TENM2: variants seen among roughly 807,000 people sequenced by gnomAD.
TENM2 encodes the protein teneurin transmembrane protein 2.
TENM2 carries 52 observed loss-of-function variants against 245.2 expected under a neutral mutation model. The observed-to-expected ratio is 0.21, with a 90% CI of 0.17 to 0.27. The LOEUF is 0.27. Ranked by LOEUF, TENM2 falls within the 10% of genes least tolerant of loss-of-function variation. The pLI is 1.00. For missense variants in TENM2, 3,046 were observed against 3,666.8 expected (o/e 0.83, Z 4.37); for synonymous variants, 1,363 against 1,438.9 (o/e 0.95, Z 1.19).
At chr5:167,657,236 A>C (rs947271914) in intron 2 of TENM2, among the ~76,000 whole-genome samples, 2 of 152,326 alleles carry the variant, frequency 1.3e-5, no homozygotes, top group East Asian at 1.9e-4. Context: ...TGCGACGTTT[A>C]ACTTTCTGTT....
intron 7 of TENM2, among the ~76,000 whole-genome samples, chr5:168,069,849 G>A (rs1434828583): frequency 2.6e-5 from 4 of 152,126 alleles, no homozygotes; most frequent in African/African-American, 9.7e-5. Context: ...AATGGTGGTG[G>A]GGATCTTCTT....
intron 2 of TENM2, among the ~76,000 whole-genome samples, chr5:167,542,099 C>T (rs539320448): frequency 2.0e-4 from 30 of 152,050 alleles, no homozygotes; most frequent in South Asian, 6.2e-4. Context: ...GGGGAATGAC[C>T]TTGAATCAGA....
chr5:167,424,440 GA>G (rs1428405630), intron 2 of TENM2, among the ~76,000 whole-genome samples: 2 of 152,098 alleles, frequency 1.3e-5, no homozygotes, highest in African/African-American at 4.8e-5. Flanking sequence ...AGACACTCTG[GA>G]AGAAATTCTG....
intron 2 of TENM2, among the ~76,000 whole-genome samples, chr5:167,513,048 T>A (rs2127572056): frequency 6.6e-6 from 1 of 152,290 alleles, no homozygotes; most frequent in South Asian, 2.1e-4. Flanking sequence ...GTGGAAGAGT[T>A]GAAACACAAA....
At chr5:167,253,231 C>T in the TENM2 span, among the ~76,000 whole-genome samples, 1 of 150,124 alleles carries the variant, frequency 6.7e-6, no homozygotes. Context: ...ACTGAGATCA[C>T]AAGCATGAGC....
intron 2 of TENM2, among the ~76,000 whole-genome samples, chr5:167,789,893 A>G (rs1764830133): frequency 6.6e-6 from 1 of 152,194 alleles, no homozygotes; most frequent in Non-Finnish European, 1.5e-5. Context: ...TGCTGGAGAC[A>G]TAATATGTAC....
At chr5:168,027,464 C>G (rs1043503544) in intron 5 of TENM2, among the ~76,000 whole-genome samples, 2 of 152,176 alleles carry the variant, frequency 1.3e-5, no homozygotes, top group Admixed American at 1.3e-4. Flanking sequence ...AAAAAGTGCT[C>G]AGCTCCAAAT....
chr5:168,112,177 T>C (rs1015864700), intron 9 of TENM2, among the ~76,000 whole-genome samples: 1 of 152,196 alleles, frequency 6.6e-6, no homozygotes, highest in Non-Finnish European at 1.5e-5. Flanking sequence ...TTTTTTCAAA[T>C]ACTTTGGTAG....
the TENM2 span, among the ~76,000 whole-genome samples, chr5:167,108,735 A>G: frequency 6.6e-6 from 1 of 152,222 alleles, no homozygotes; most frequent in South Asian, 2.1e-4. Flanking sequence ...CCCATATGTA[A>G]GACGTAGGGG....
chr5:167,081,646 T>C, the TENM2 span, among the ~76,000 whole-genome samples: 1 of 152,190 alleles, frequency 6.6e-6, no homozygotes, highest in African/African-American at 2.4e-5. Context: ...TGCAGAATAA[T>C]AAGGCCTGCT....
intron 2 of TENM2, among the ~76,000 whole-genome samples, chr5:167,532,824 G>A (rs1335470694): frequency 1.0e-4 from 10 of 96,696 alleles, no homozygotes; most frequent in East Asian, 4.1e-4. Flanking sequence ...GTGTGTGTGT[G>A]TGTATATATA....
At chr5:167,930,532 T>C (rs1424888697) in intron 3 of TENM2, among the ~76,000 whole-genome samples, 1 of 152,048 alleles carries the variant, frequency 6.6e-6, no homozygotes. Flanking sequence ...TGGAGTGCAA[T>C]GGCTTGACCA....
the TENM2 span, among the ~76,000 whole-genome samples, chr5:167,010,624 T>C: frequency 6.6e-6 from 1 of 152,226 alleles, no homozygotes; most frequent in East Asian, 1.9e-4. Context: ...GTTATGATGA[T>C]TTAGATAAGT....
intron 2 of TENM2, among the ~76,000 whole-genome samples, chr5:167,424,493 G>A (rs1240833207): frequency 6.6e-6 from 1 of 152,092 alleles, no homozygotes; most frequent in Non-Finnish European, 1.5e-5. Flanking sequence ...TTATTAAATG[G>A]TTCCCAATAT....
the TENM2 span, among the ~76,000 whole-genome samples, chr5:167,148,533 T>A: frequency 1.3e-5 from 2 of 152,228 alleles, no homozygotes; most frequent in Non-Finnish European, 2.9e-5. Flanking sequence ...ACTTAAATAG[T>A]TGAAATGAAA....
In TENM2 at chr5:167,360,633, T is replaced by C. The variant is rs375219398; in HGVS notation, c.227-14565T>C. On this transcript the variant is annotated intron_variant, in intron 1 of 28. Coordinates refer to ENST00000518659, the Ensembl canonical transcript of TENM2. The stretch of plus-strand genomic sequence containing the variant: ...AGAACCTGAAAATTTCTCCTACTGG[T>C]TCTGCTGCTGTTTCTACTACAATTA... Among the ~76,000 whole-genome samples, 36 of 152,340 alleles carry C rather than the reference T, an allele frequency of 2.4e-4. No homozygotes were observed. The South Asian group carries it at 5.4e-3, about 23-fold the overall frequency.
chr5:168,199,645 T>C (rs1761762697), intron 16 of TENM2, among the ~76,000 whole-genome samples: 1 of 152,152 alleles, frequency 6.6e-6, no homozygotes, highest in Admixed American at 6.5e-5. Flanking sequence ...CAAGAATAAT[T>C]ATTAATCCAA....
chr5:168,190,081 T>A (rs1760813051), intron 13 of TENM2, among the ~76,000 whole-genome samples: 1 of 152,182 alleles, frequency 6.6e-6, no homozygotes, highest in African/African-American at 2.4e-5. Flanking sequence ...AAAAGCACAA[T>A]AAAGAAGAGA....
chr5:167,608,990 A>T (rs912846854), intron 2 of TENM2, among the ~76,000 whole-genome samples: 5 of 101,516 alleles, frequency 4.9e-5, no homozygotes, highest in Non-Finnish European at 1.4e-4. Flanking sequence ...TAATTAAATA[A>T]TGTAAAAAAA....
Sources: allele counts gnomAD v4.1 joint callset (sites outside exome capture counted in the v4.1 genomes callset), GRCh38; gene constraint gnomAD v4.1.1; transcripts MANE v1.5; gene names NCBI Gene and HGNC (gene_info 2026-07-23, HGNC 2026-07-21).